SLC35G5: variants seen among roughly 807,000 people sequenced by gnomAD.
SLC35G5 encodes the protein solute carrier family 35 member G5.
In SLC35G5, 14 loss-of-function variants were observed where a neutral mutation model predicts 17.6. The ratio of observed to expected loss-of-function variants is 0.79; its 90% CI spans 0.52 to 1.24. SLC35G5 has a LOEUF of 1.24. Among genes scored for constraint, SLC35G5 ranks in the 50% most tolerant of loss-of-function variants. SLC35G5 has a pLI of 0.00. For missense variants in SLC35G5, 541 were observed against 430.3 expected, an observed-to-expected ratio of 1.26 and a Z score of -2.28; for synonymous variants, 236 against 194.9, an observed-to-expected ratio of 1.21 and a Z score of -1.76.
At position 11,332,156 on chromosome 8, in the gene SLC35G5, A is replaced by C. The variant is rs777615048; in HGVS notation, c.*33A>C. 1.2e-6 allele frequency: 2 copies of C among 1,611,462 alleles called. No individual in the cohort carries two copies. Among genetic ancestry groups the C allele is most frequent in the South Asian group, 2.2e-5 (2 of 90,904 alleles). On this transcript the variant is annotated 3_prime_UTR_variant, in exon 1 of 1. Coordinates refer to ENST00000382435, the MANE Select transcript of SLC35G5 (RefSeq NM_054028.2). ...CTTGGGAGCCCGGGGGTTGGGAGGG[A>C]CAGGGATAAATAAAGACAAAGACTG...
chr8:11,332,238 G>T lies in SLC35G5; in HGVS notation c.*115G>T. ...ATTATAATAAATCCTAGGAAAGAGT[G>T]AAAGTCTAACTTCCATAGCACATTA... On this transcript the variant is annotated 3_prime_UTR_variant, in exon 1 of 1. Transcript: ENST00000382435. 6.9e-7 allele frequency: 1 copy of T among 1,456,654 alleles called. No homozygotes were observed. 90.2% of individuals were successfully genotyped at this position (1,456,654 alleles called of 1,614,324 possible).
In SLC35G5 at chr8:11,332,033, C is replaced by T. The variant is rs962574609; in HGVS notation, c.927C>T (p.Asp309=). The change falls in exon 1 of 1, where the codon GAC becomes GAT. Residue 309 remains aspartate (D), a synonymous_variant. Transcript: ENST00000382435. The stretch of plus-strand genomic sequence containing the variant: ...TCCATGAGACTGTGGCACTTTCTGA[C>T]ATCATGGGGGCAGGGGTTGTGCTGG... The part of the protein sequence containing the change: ...YMLHETVALS[D]IMGAGVVLGS... 1.2e-6 allele frequency: 2 copies of T among 1,611,854 alleles called. No individual in the cohort carries two copies. The highest frequency in any genetic ancestry group is 8.5e-7 in the Non-Finnish European group (1 of 1,179,812).
chr8:11,331,542 A>T lies in SLC35G5; in HGVS notation c.436A>T (p.Thr146Ser), dbSNP rs1585150283. The T allele has an allele frequency of 6.2e-7, 1 of 1,609,924 alleles. No individual in the cohort carries two copies. The highest frequency in any genetic ancestry group is 1.4e-5 in the African/African-American group (1 of 73,268). The stretch of plus-strand genomic sequence containing the variant: ...TTCCACCGTATGCTCCGCTGTCCTC[A>T]CCCTCTGCCTTGAGAGCCAGGGTCT... ...GSSTVCSAVL[T>S]LCLESQGLGG... is the part of the protein sequence containing the mutation. The change falls in exon 1 of 1, where the codon ACC becomes TCC. Residue 146 changes from threonine to serine, a missense_variant. Thr to Ser is a moderately conservative substitution (Grantham distance 58). Transcript: ENST00000382435.
In SLC35G5 at chr8:11,331,728, C is replaced by G. The variant is rs781131283; in HGVS notation, c.622C>G (p.Leu208Val). 3.7e-6 allele frequency: 6 copies of G among 1,611,842 alleles called. No individual in the cohort carries two copies. In the African/African-American group the frequency reaches 5.3e-5, roughly 14 times the overall value. Residue 208 changes from leucine to valine, a missense_variant, in exon 1 of 1, where the codon CTG becomes GTG. Leu to Val is a conservative substitution (Grantham distance 32, BLOSUM62 1). Transcript: ENST00000382435. ...LGGLALSLGL[L>V]VYRSLHFPSC... ...AGGCCTGGCGCTGTCCCTGGGGCTT[C>G]TGGTCTATCGTTCTCTGCACTTTCC...
rs767437851 is a variant in SLC35G5 at position 11,331,783 on chromosome 8, C to G, written c.677C>G (p.Ser226Cys). ...PSCLPTVAFL[S>C]GLVGLLGCVP... Reference sequence around the variant, plus strand: ...TGCCTCCCAACAGTGGCCTTCCTATCTGGCTTGGTGGGGCTGCTGGGCTGT... The same window carrying G: ...TGCCTCCCAACAGTGGCCTTCCTATGTGGCTTGGTGGGGCTGCTGGGCTGT... Residue 226 changes from serine (S) to cysteine (C), a missense_variant, in exon 1 of 1, where the codon TCT becomes TGT. By Grantham distance (112) the Ser-to-Cys change is moderately radical (BLOSUM62 -1). Transcript: ENST00000382435. 2 of 1,611,712 alleles carry G rather than the reference C, an allele frequency of 1.2e-6. No individual in the cohort carries two copies. Among genetic ancestry groups the G allele is most frequent in the South Asian group, 1.1e-5 (1 of 90,976 alleles).
At position 11,331,339 on chromosome 8, in the gene SLC35G5, T is replaced by C. The variant is rs2117498958; in HGVS notation, c.233T>C (p.Leu78Pro). 1 of 1,613,846 alleles carries C rather than the reference T, an allele frequency of 6.2e-7. No individual in the cohort carries two copies. Among genetic ancestry groups the C allele is most frequent in the East Asian group, 2.2e-5 (1 of 44,886 alleles). The change falls in exon 1 of 1, where the codon CTC becomes CCC. Residue 78 changes from leucine to proline, a missense_variant. Leu to Pro is a moderately conservative substitution (Grantham distance 98, BLOSUM62 -3). Transcript: ENST00000382435. ...CTGGAGCTGCTCATCTGTCGATGCC[T>C]CTTCCACCTCCCTATTGCCCTGCTA... Reference protein sequence around the residue: ...PSLELLICRCLFHLPIALLLK... With the variant: ...PSLELLICRCPFHLPIALLLK...
chr8:11,331,057 A>C lies in SLC35G5; in HGVS notation c.-50A>C. 1.3e-6 allele frequency: 2 copies of C among 1,547,362 alleles called. No homozygotes were observed. The highest frequency in any genetic ancestry group is 1.7e-6 in the Non-Finnish European group (2 of 1,151,676). On this transcript the variant is annotated 5_prime_UTR_variant, in exon 1 of 1. An upstream open reading frame in the 5' UTR loses its in-frame stop. Coordinates refer to ENST00000382435, the MANE Select transcript of SLC35G5 (RefSeq NM_054028.2). ...TGAGGTCACAATGGCTGGAGCTCTG[A>C]GGGGCCCAGGCTCCCTGAGCCAGGA...
rs774691176 is a variant in SLC35G5, at chr8:11,331,569, G to C, written c.463G>C (p.Gly155Arg). The C allele has an allele frequency of 1.2e-6, 2 of 1,613,830 alleles. No homozygotes were observed. The highest frequency in any genetic ancestry group is 1.7e-6 in the Non-Finnish European group (2 of 1,179,842). ...LTLCLESQGLGGYEWCGLLGS... is the reference protein window; with the variant it reads ...LTLCLESQGLRGYEWCGLLGS... ...CCTCTGCCTTGAGAGCCAGGGTCTC[G>C]GTGGCTACGAGTGGTGTGGACTGTT... The change falls in exon 1 of 1, where the codon GGT becomes CGT. Residue 155 changes from glycine to arginine, a missense_variant. Gly to Arg is a moderately radical substitution (Grantham distance 125). Coordinates refer to ENST00000382435, the MANE Select transcript of SLC35G5 (RefSeq NM_054028.2).
Position 11,331,300 on chromosome 8 carries a change from C to A in SLC35G5, c.194C>A (p.Ser65Tyr). ...CTTTCTCGTATGGCTTACCAGGGTT[C>A]CAACCTGCCCTCGCTGGAGCTGCTC... ...GPLSRMAYQG[S>Y]NLPSLELLIC... Residue 65 changes from serine to tyrosine, a missense_variant, in exon 1 of 1, where the codon TCC becomes TAC. Coordinates refer to ENST00000382435, the MANE Select transcript of SLC35G5 (RefSeq NM_054028.2). 3.1e-6 allele frequency: 5 copies of A among 1,613,998 alleles called. No homozygotes were observed. The highest frequency in any genetic ancestry group is 4.2e-6 in the Non-Finnish European group (5 of 1,179,874).
Position 11,331,760 on chromosome 8 carries a change from C to T in SLC35G5, c.654C>T (p.Cys218=), listed in dbSNP as rs759817969. The T allele has an allele frequency of 8.7e-6, 14 of 1,611,938 alleles. No homozygotes were observed. Among genetic ancestry groups the T allele is most frequent in the Non-Finnish European group, 1.2e-5 (14 of 1,179,828 alleles). The change falls in exon 1 of 1, where the codon TGC becomes TGT. Residue 218 remains cysteine, a synonymous_variant. Coordinates refer to ENST00000382435, the MANE Select transcript of SLC35G5 (RefSeq NM_054028.2). ...LVYRSLHFPS[C]LPTVAFLSGL... is the part of the protein sequence containing the mutation. ...ATCGTTCTCTGCACTTTCCCTCCTG[C>T]CTCCCAACAGTGGCCTTCCTATCTG...
At position 11,331,587 on chromosome 8, in the gene SLC35G5, G is replaced by A; in HGVS notation, c.481G>A (p.Gly161Arg). 1 of 1,612,528 alleles carries A rather than the reference G, an allele frequency of 6.2e-7. No individual in the cohort carries two copies. The highest frequency in any genetic ancestry group is 8.5e-7 in the Non-Finnish European group (1 of 1,179,462). ...SQGLGGYEWC[G>R]LLGSILGLII... ...GGGTCTCGGTGGCTACGAGTGGTGT[G>A]GACTGTTGGGCAGCATCCTAGGACT... The change falls in exon 1 of 1, where the codon GGA becomes AGA. Residue 161 changes from glycine (G) to arginine (R), a missense_variant. Transcript: ENST00000382435.
rs1289368076 is a variant in SLC35G5, at chr8:11,331,421, C to T, written c.315C>T (p.Cys105=). 1 of 1,613,974 alleles carries T rather than the reference C, an allele frequency of 6.2e-7. No individual in the cohort carries two copies. ...CTCCTGACATCCGAGGCTGGGCCTGCTTCTGTGCCCTGCTCAACGTCCTCA... is the reference window on the plus strand; with the variant it reads ...CTCCTGACATCCGAGGCTGGGCCTGTTTCTGTGCCCTGCTCAACGTCCTCA... The part of the protein sequence containing the change: ...LGPPDIRGWA[C]FCALLNVLSI... The change falls in exon 1 of 1, where the codon TGC becomes TGT. Residue 105 remains cysteine (C), a synonymous_variant. Coordinates refer to ENST00000382435, the MANE Select transcript of SLC35G5 (RefSeq NM_054028.2).
At position 11,331,385 on chromosome 8, in the gene SLC35G5, C is replaced by G. The variant is rs370747876; in HGVS notation, c.279C>G (p.Pro93=). 6.2e-6 allele frequency: 10 copies of G among 1,613,846 alleles called. No homozygotes were observed. In the Admixed American group the frequency reaches 1.5e-4, roughly 24 times the overall value. Residue 93 remains proline, a synonymous_variant, in exon 1 of 1, where the codon CCC becomes CCG. Transcript: ENST00000382435. ...TGCTACTTAAACTGCGTGGCGACCC[C>G]CTTCTGGGACCTCCTGACATCCGAG... ...IALLLKLRGD[P]LLGPPDIRGW... is the part of the protein sequence containing the mutation.
In SLC35G5 at chr8:11,331,167, G is replaced by A. The variant is rs541246113; in HGVS notation, c.61G>A (p.Ala21Thr). 3.7e-5 allele frequency: 59 copies of A among 1,612,430 alleles called. No homozygotes were observed. The highest frequency in any genetic ancestry group is 3.3e-4 in the Admixed American group (20 of 59,850). The change falls in exon 1 of 1, where the codon GCT (alanine) becomes ACT (threonine). Residue 21 changes from alanine (A) to threonine (T), a missense_variant. Transcript: ENST00000382435. ...CTCCACACACCCATCGCCGCCCTCCGCTCCACCCAGCCTCCGCTGGCACCA... is the reference window on the plus strand; with the variant it reads ...CTCCACACACCCATCGCCGCCCTCCACTCCACCCAGCCTCCGCTGGCACCA... ...PDSTHPSPPS[A>T]PPSLRWHQRC...
chr8:11,331,305 C>A lies in SLC35G5; in HGVS notation c.199C>A (p.Leu67Met), dbSNP rs1431569238. 1 of 1,614,018 alleles carries A rather than the reference C, an allele frequency of 6.2e-7. No homozygotes were observed. Among genetic ancestry groups the A allele is most frequent in the South Asian group, 1.1e-5 (1 of 91,078 alleles). Residue 67 changes from leucine to methionine, a missense_variant, in exon 1 of 1, where the codon CTG (leucine) becomes ATG (methionine). Transcript: ENST00000382435. ...LSRMAYQGSN[L>M]PSLELLICRC... ...TCGTATGGCTTACCAGGGTTCCAACCTGCCCTCGCTGGAGCTGCTCATCTG... is the reference window on the plus strand; with the variant it reads ...TCGTATGGCTTACCAGGGTTCCAACATGCCCTCGCTGGAGCTGCTCATCTG...
chr8:11,331,459 C>T lies in SLC35G5; in HGVS notation c.353C>T (p.Ala118Val). 7 of 1,614,016 alleles carry T rather than the reference C, an allele frequency of 4.3e-6. No individual in the cohort carries two copies. The highest frequency in any genetic ancestry group is 5.9e-6 in the Non-Finnish European group (7 of 1,179,874). Residue 118 changes from alanine (A) to valine (V), a missense_variant, in exon 1 of 1, where the codon GCC becomes GTC. Ala to Val is a moderately conservative substitution (Grantham distance 64). Transcript: ENST00000382435. Reference protein sequence around the residue: ...ALLNVLSIGCAYSAVQVVPAG... With the variant: ...ALLNVLSIGCVYSAVQVVPAG... ...CTCAACGTCCTCAGCATTGGATGTGCCTACAGTGCAGTTCAGGTGGTGCCC... is the reference window on the plus strand; with the variant it reads ...CTCAACGTCCTCAGCATTGGATGTGTCTACAGTGCAGTTCAGGTGGTGCCC...
rs1801241527 is a variant in SLC35G5 at position 11,331,754 on chromosome 8, C to G, written c.648C>G (p.Pro216=). The change falls in exon 1 of 1, where the codon CCC becomes CCG. Residue 216 remains proline (P), a synonymous_variant. Coordinates refer to ENST00000382435, the MANE Select transcript of SLC35G5 (RefSeq NM_054028.2). ...GLLVYRSLHF[P]SCLPTVAFLS... ...TGGTCTATCGTTCTCTGCACTTTCCCTCCTGCCTCCCAACAGTGGCCTTCC... is the reference window on the plus strand; with the variant it reads ...TGGTCTATCGTTCTCTGCACTTTCCGTCCTGCCTCCCAACAGTGGCCTTCC... 1 of 1,611,852 alleles carries G rather than the reference C, an allele frequency of 6.2e-7. No homozygotes were observed. The highest frequency in any genetic ancestry group is 1.7e-5 in the Admixed American group (1 of 59,992).
In SLC35G5 at chr8:11,331,562, G is replaced by A; in HGVS notation, c.456G>A (p.Gln152=). The change falls in exon 1 of 1, where the codon CAG becomes CAA. Residue 152 remains glutamine (Q), a synonymous_variant. Coordinates refer to ENST00000382435, the MANE Select transcript of SLC35G5 (RefSeq NM_054028.2). The part of the protein sequence containing the change: ...SAVLTLCLES[Q]GLGGYEWCGL... ...TCCTCACCCTCTGCCTTGAGAGCCA[G>A]GGTCTCGGTGGCTACGAGTGGTGTG... 6.2e-7 allele frequency: 1 copy of A among 1,613,770 alleles called. No homozygotes were observed. The highest frequency in any genetic ancestry group is 8.5e-7 in the Non-Finnish European group (1 of 1,179,744).
rs79943736 is a variant in SLC35G5, at chr8:11,331,424, C to T, written c.318C>T (p.Phe106=). The T allele has an allele frequency of 1.2e-3, 1,913 of 1,613,972 alleles. 15 individuals are homozygous for T. In the African/African-American group the frequency reaches 0.02, roughly 17 times the overall value. The stretch of plus-strand genomic sequence containing the variant: ...CTGACATCCGAGGCTGGGCCTGCTT[C>T]TGTGCCCTGCTCAACGTCCTCAGCA... ...GPPDIRGWAC[F]CALLNVLSIG... The change falls in exon 1 of 1, where the codon TTC becomes TTT. Residue 106 remains phenylalanine (F), a synonymous_variant. Transcript: ENST00000382435.
Sources: gnomAD v4.1 joint callset for allele counts on GRCh38, gnomAD v4.1.1 for gene constraint, MANE v1.5 for transcripts, NCBI Gene and HGNC (gene_info 2026-07-23, HGNC 2026-07-21) for gene names.